Variants in GRID2 observed in about 807,000 individuals in gnomAD.
The protein encoded by GRID2 is glutamate receptor ionotropic, delta-2.
Under a neutral mutation model 114.8 loss-of-function variants are expected in GRID2, and 33 were observed. That is an observed-to-expected ratio of 0.29 (90% CI 0.22 to 0.38). The LOEUF is 0.38. Among genes scored for constraint, GRID2 ranks in the 10% least tolerant of loss-of-function variants. The pLI is 1.00. For missense variants in GRID2, 1,184 were observed against 1,257.7 expected (o/e 0.94, Z 0.89); for synonymous variants, 505 against 449.9 (o/e 1.12, Z -1.55).
At chr4:93,229,855 G>A (rs1346112945) in intron 7 of GRID2, among the ~76,000 whole-genome samples, 5 of 151,878 alleles carry the variant, frequency 3.3e-5, no homozygotes, top group Admixed American at 6.6e-5. Flanking sequence ...TATATGAATC[G>A]GTAGAATAAG....
chr4:93,122,781 A>G (rs1733900547), intron 4 of GRID2, among the ~76,000 whole-genome samples: 1 of 151,238 alleles, frequency 6.6e-6, no homozygotes, highest in Non-Finnish European at 1.5e-5. Flanking sequence ...ATTTCCTTGT[A>G]TCGTATTTAT....
chr4:93,731,562 C>T (rs138909940), intron 14 of GRID2, among the ~76,000 whole-genome samples: 1 of 152,228 alleles, frequency 6.6e-6, no homozygotes, highest in East Asian at 1.9e-4. Context: ...TAACTGAGTA[C>T]ATTGTTTTAG....
At chr4:92,994,488 A>AT (rs1014897457) in intron 2 of GRID2, among the ~76,000 whole-genome samples, 32 of 151,470 alleles carry the variant, frequency 2.1e-4, no homozygotes, top group Non-Finnish European at 4.3e-4. Context: ...AAGTAGGGGA[A>AT]TTTTTTTGTA....
chr4:92,551,883 A>T (rs1726609176), intron 1 of GRID2, among the ~76,000 whole-genome samples: 1 of 152,122 alleles, frequency 6.6e-6, no homozygotes, highest in African/African-American at 2.4e-5. Context: ...ATTTTAAGTA[A>T]GAGAGATAAG....
chr4:93,135,682 A>G (rs1279437196), intron 4 of GRID2, among the ~76,000 whole-genome samples: 1 of 152,160 alleles, frequency 6.6e-6, no homozygotes, highest in Non-Finnish European at 1.5e-5. Flanking sequence ...GAAAGATATG[A>G]TCTGAGTTTG....
intron 1 of GRID2, among the ~76,000 whole-genome samples, chr4:93,794,596 C>T (rs763506460): frequency 2.0e-5 from 3 of 152,156 alleles, no homozygotes; most frequent in African/African-American, 4.8e-5. Context: ...CAAAGCGTCT[C>T]GGCGAGCCTT....
At chr4:93,413,211 C>A (rs1767377593) in intron 9 of GRID2, among the ~76,000 whole-genome samples, 1 of 152,154 alleles carries the variant, frequency 6.6e-6, no homozygotes, top group Non-Finnish European at 1.5e-5. Flanking sequence ...ACACTCCCAC[C>A]AACAGTGTAA....
intron 2 of GRID2, among the ~76,000 whole-genome samples, chr4:92,904,203 A>G (rs1747783891): frequency 1.3e-5 from 2 of 151,378 alleles, no homozygotes; most frequent in South Asian, 4.1e-4. Flanking sequence ...CCTTTTTTCA[A>G]AATTTTTTCT....
At chr4:93,303,884 T>C (rs79579076) in intron 8 of GRID2, among the ~76,000 whole-genome samples, 47 of 152,258 alleles carry the variant, frequency 3.1e-4, no homozygotes, top group Non-Finnish European at 5.1e-4. Context: ...GGTATTACCA[T>C]TTCATAAAAC....
intron 14 of GRID2, among the ~76,000 whole-genome samples, chr4:93,764,540 C>A (rs562563089): frequency 4.6e-5 from 7 of 152,254 alleles, no homozygotes; most frequent in African/African-American, 1.7e-4. Flanking sequence ...GCTTTTCATG[C>A]ATCTTGCTCA....
At chr4:93,317,222 C>T (rs1756750058) in intron 8 of GRID2, among the ~76,000 whole-genome samples, 1 of 151,954 alleles carries the variant, frequency 6.6e-6, no homozygotes, top group Non-Finnish European at 1.5e-5. Context: ...TTGGCATTTT[C>T]AGATCGGGTT....
At position 93,697,865 on chromosome 4, in the gene GRID2, G is replaced by GTATATATATATATATATATATATA. The variant is rs574552355; in HGVS notation, c.2361-71344_2361-71343insATATATATATATATATATATATAT. On this transcript the variant is annotated intron_variant, in intron 14 of 15. Coordinates refer to ENST00000282020, the MANE Select transcript of GRID2 (RefSeq NM_001510.4). ...TGGCTCAATTTAGTCATTCCACAAT[G>GTATATATATATATATATATATATA]TGTGTATATATATATTTCAAAACAA... Among the ~76,000 whole-genome samples the GTATATATATATATATATATATATA allele has an allele frequency of 1.8e-3, 134 of 74,844 alleles. 2 individuals are homozygous for GTATATATATATATATATATATATA. Among genetic ancestry groups the GTATATATATATATATATATATATA allele is most frequent in the African/African-American group, 4.3e-3 (119 of 27,684 alleles). 49.1% of individuals were successfully genotyped at this position (74,844 alleles called of 152,430 possible).
intron 14 of GRID2, among the ~76,000 whole-genome samples, chr4:93,635,583 A>G (rs187789661): frequency 9.2e-5 from 14 of 152,116 alleles, no homozygotes; most frequent in Non-Finnish European, 1.9e-4. Context: ...TCTTTAAAAC[A>G]TCTGTTTTGA....
chr4:92,877,511 A>C (rs2149453057), intron 2 of GRID2, among the ~76,000 whole-genome samples: 1 of 152,298 alleles, frequency 6.6e-6, no homozygotes. Context: ...TATCAAAATA[A>C]TCTTCAAAAT....
At chr4:92,794,037 T>C (rs112692531) in intron 2 of GRID2, among the ~76,000 whole-genome samples, 1 of 151,868 alleles carries the variant, frequency 6.6e-6, no homozygotes, top group Admixed American at 6.6e-5. Context: ...TTAGTGGCCA[T>C]TGTTTGGAAA....
At chr4:92,775,221 A>G (rs1047902542) in intron 2 of GRID2, among the ~76,000 whole-genome samples, 2 of 152,148 alleles carry the variant, frequency 1.3e-5, no homozygotes, top group Non-Finnish European at 2.9e-5. Context: ...TTTAATGGGA[A>G]GTTTGATTCA....
chr4:93,507,096 C>T (rs1286928023), intron 12 of GRID2, among the ~76,000 whole-genome samples: 1 of 152,178 alleles, frequency 6.6e-6, no homozygotes, highest in Non-Finnish European at 1.5e-5. Context: ...GCTAAAAACT[C>T]TTTCCTGAGC....
rs763463876 is a variant in GRID2 at position 93,140,369 on chromosome 4, C to T, written c.735+29416C>T. Among the ~76,000 whole-genome samples the T allele has an allele frequency of 8.0e-4, 122 of 151,954 alleles. 1 individual carries two copies. Among genetic ancestry groups the T allele is most frequent in the Non-Finnish European group, 8.4e-4 (57 of 67,928 alleles). On this transcript the variant is annotated intron_variant, in intron 4 of 15. Transcript: ENST00000282020. ...GAGACGGGGTTTCACCGTGTTAGCCCGGATGGTCTCTTTCTCCTGACCTCC... is the reference window on the plus strand; with the variant it reads ...GAGACGGGGTTTCACCGTGTTAGCCTGGATGGTCTCTTTCTCCTGACCTCC...
intron 1 of GRID2, among the ~76,000 whole-genome samples, chr4:92,516,244 A>G (rs1452424803): frequency 1.3e-5 from 2 of 151,942 alleles, no homozygotes; most frequent in Non-Finnish European, 1.5e-5. Context: ...CAGTTTTGCT[A>G]TAACTTTTGA....
Sources: gnomAD v4.1 joint callset for allele counts (sites outside exome capture counted in the v4.1 genomes callset) on GRCh38, gnomAD v4.1.1 for gene constraint, MANE v1.5 for transcripts, NCBI Gene and HGNC (gene_info 2026-07-23, HGNC 2026-07-21) for gene names.